The following ANKRD18A variants were observed in gnomAD, a reference collection of about 807,000 sequenced individuals.
ANKRD18A encodes ankyrin repeat domain 18A.
ANKRD18A carries 72 observed loss-of-function variants against 110.6 expected under a neutral mutation model. That is an observed-to-expected ratio of 0.65 (90% CI 0.54 to 0.79). The LOEUF (loss-of-function observed/expected upper bound fraction) is 0.79, where lower values mean the gene tolerates loss of function less well. Among genes scored for constraint, ANKRD18A ranks in the 30% least tolerant of loss-of-function variants. The pLI is 0.00. For synonymous variants in ANKRD18A, 305 were observed against 410.3 expected (o/e 0.74, Z 3.10); for missense variants, 934 against 1,163.3 (o/e 0.80, Z 2.87).
chr9:38,587,886 G>A (rs1303096674), intron 11 of ANKRD18A, among the ~76,000 whole-genome samples: 2 of 152,078 alleles, frequency 1.3e-5, no homozygotes, highest in Non-Finnish European at 1.5e-5. Context: ...TCAGGAGTTC[G>A]AGACCAGCCT....
At chr9:38,584,796 G>A (rs1824308621) in intron 12 of ANKRD18A, among the ~76,000 whole-genome samples, 1 of 152,016 alleles carries the variant, frequency 6.6e-6, no homozygotes, top group African/African-American at 2.4e-5. Flanking sequence ...TTATATTGAG[G>A]AGCAAGACCT....
Position 38,615,673 on chromosome 9 carries a change from T to G in ANKRD18A, c.416A>C (p.His139Pro). 1 of 1,612,194 alleles carries G rather than the reference T, an allele frequency of 6.2e-7. No homozygotes were observed. The highest frequency in any genetic ancestry group is 8.5e-7 in the Non-Finnish European group (1 of 1,179,790). The stretch of plus-strand genomic sequence containing the variant: ...AGTCCCCTTATTATACACGGCATAA[T>G]GGAGAGCAGTGTTGCCGTAGATATC... The part of the protein sequence containing the change: ...IEDIYGNTAL[H>P]YAVYNKGTSL... The change falls in exon 3 of 16, where the codon CAT becomes CCT. Residue 139 changes from histidine (H) to proline (P), a missense_variant. Physicochemically the swap from His to Pro is moderately conservative, Grantham distance 77. This residue lies in a region of ANKRD18A where 630 missense variants were observed against 797.5 expected (regional missense o/e 0.79). Transcript: ENST00000399703.
At chr9:38,577,023 C>A (rs1563954813) in intron 14 of ANKRD18A, 30 bp downstream of exon 14, 2 of 1,530,424 alleles carry the variant, frequency 1.3e-6, no homozygotes, top group African/African-American at 2.8e-5. Flanking sequence ...GAGCTGAATT[C>A]ATTTTCTATG....
intron 8 of ANKRD18A, among the ~76,000 whole-genome samples, chr9:38,598,982 G>T (rs1241982634): frequency 6.6e-6 from 1 of 152,110 alleles, no homozygotes; most frequent in Non-Finnish European, 1.5e-5. Flanking sequence ...GGTATTTTGG[G>T]TTATATTTTC....
chr9:38,580,851 A>T (rs1007411767), intron 12 of ANKRD18A, among the ~76,000 whole-genome samples: 1 of 151,136 alleles, frequency 6.6e-6, no homozygotes, highest in African/African-American at 2.4e-5. Flanking sequence ...TCCCTATCTC[A>T]GACTGCTTTC....
intron 7 of ANKRD18A, among the ~76,000 whole-genome samples, chr9:38,601,486 A>C (rs1230054789): frequency 6.6e-6 from 1 of 152,218 alleles, no homozygotes. Flanking sequence ...TGGAAACAAA[A>C]CAAAATTTAA....
chr9:38,595,404 A>T, intron 9 of ANKRD18A, 82 bp downstream of exon 9: 2 of 1,216,622 alleles, frequency 1.6e-6, no homozygotes, highest in African/African-American at 1.6e-5. Flanking sequence ...ATTTATTTGT[A>T]TATTGAACTA....
chr9:38,569,148 TC>T, downstream of ANKRD18A: 2 of 985,296 alleles, frequency 2.0e-6, no homozygotes, highest in Non-Finnish European at 2.4e-6. Context: ...TGGACCTGCA[TC>T]TTGGTTATCA....
At chr9:38,591,218 C>A (rs527862292) in intron 10 of ANKRD18A, among the ~76,000 whole-genome samples, 1 of 151,770 alleles carries the variant, frequency 6.6e-6, no homozygotes, top group South Asian at 2.1e-4. Context: ...ACTGTTCTTG[C>A]CTCAGCTTCC....
Position 38,577,992 on chromosome 9 carries a change from C to T in ANKRD18A, c.2404G>A (p.Val802Ile), listed in dbSNP as rs759808991. ...EKDKKMLEEE[V>I]LNLKTHMEKD... ...TCCATATGTGTCTTAAGATTTAATA[C>T]TTCTTCTTCCAACATCTTTTTATCC... is the stretch of plus-strand genomic sequence containing the variant. Residue 802 changes from valine (V) to isoleucine (I), a missense_variant, in exon 13 of 16, where the codon GTA becomes ATA. Around this residue, in one of 4 missense-constraint regions of ANKRD18A, gnomAD observed 223 missense variants for 226.7 expected, o/e 0.98. Transcript: ENST00000399703. The T allele has an allele frequency of 3.4e-5, 53 of 1,564,746 alleles. No homozygotes were observed. The highest frequency in any genetic ancestry group is 1.1e-5 in the Non-Finnish European group (13 of 1,152,086).
intron 12 of ANKRD18A, among the ~76,000 whole-genome samples, chr9:38,581,288 A>G (rs1824150396): frequency 6.6e-6 from 1 of 152,236 alleles, no homozygotes; most frequent in South Asian, 2.1e-4. Flanking sequence ...GATAACCAGG[A>G]GAGAGATGTA....
chr9:38,588,663 G>C lies in ANKRD18A; in HGVS notation c.2005C>G (p.Pro669Ala), dbSNP rs1016025271. The part of the protein sequence containing the change: ...KKKLFQVEIQ[P>A]EEKHEEFRKL... ...CTGAATTCTTCATGTTTTTCTTCAGGCTTGAAAAAAAGTGTTTAAAATTAT... is the reference window on the plus strand; with the variant it reads ...CTGAATTCTTCATGTTTTTCTTCAGCCTTGAAAAAAAGTGTTTAAAATTAT... The change falls in exon 11 of 16, where the codon CCT becomes GCT. Residue 669 changes from proline (P) to alanine (A), a missense_variant and splice_region_variant. This residue lies in a region of ANKRD18A where 630 missense variants were observed against 797.5 expected (regional missense o/e 0.79). Transcript: ENST00000399703. 7.4e-7 allele frequency: 1 copy of C among 1,342,504 alleles called. No homozygotes were observed. Among genetic ancestry groups the C allele is most frequent in the Non-Finnish European group, 9.7e-7 (1 of 1,032,132 alleles). The allele number at this position is 1,342,504 out of a possible 1,614,324, so 83.2% of individuals were successfully genotyped here. A position where few individuals can be genotyped will look rare whatever the true frequency, so the allele number is the denominator to read the frequency against.
intron 1 of ANKRD18A, 58 bp downstream of exon 1, chr9:38,620,022 G>GC: frequency 3.3e-6 from 5 of 1,538,278 alleles, no homozygotes; most frequent in Non-Finnish European, 4.4e-6. Context: ...GGGCTGCCGG[G>GC]CTGCAGGGAA....
chr9:38,596,517 GGA>G lies in ANKRD18A; in HGVS notation c.937-116_937-115del, dbSNP rs1293603925. ...CATGCAATTAAAAGTTGCTGTAAGT[GGA>G]TATCCAACTGGAGAAAAAGTTGAAG... On this transcript the variant is annotated intron_variant, in intron 8 of 15. Transcript: ENST00000399703. The G allele has an allele frequency of 1.6e-5, 15 of 959,822 alleles. No individual in the cohort carries two copies. The East Asian group carries it at 4.5e-4, about 29-fold the overall frequency. 59.5% of individuals were successfully genotyped at this position (959,822 alleles called of 1,614,324 possible).
At chr9:38,593,692 T>A (rs1405404312) in intron 10 of ANKRD18A, 68 bp downstream of exon 10, 1 of 1,330,550 alleles carries the variant, frequency 7.5e-7, no homozygotes, top group Non-Finnish European at 9.7e-7. Context: ...GAAATTAGTA[T>A]CCTAAGACAC....
intron 10 of ANKRD18A, among the ~76,000 whole-genome samples, chr9:38,591,261 C>T (rs893794217): frequency 1.3e-5 from 2 of 152,028 alleles, no homozygotes; most frequent in Admixed American, 6.6e-5. Flanking sequence ...TGAGCCACCT[C>T]ACCAACCAGG....
At chr9:38,578,994 T>A (rs1352681165) in intron 12 of ANKRD18A, among the ~76,000 whole-genome samples, 2 of 152,212 alleles carry the variant, frequency 1.3e-5, no homozygotes, top group African/African-American at 2.4e-5. Flanking sequence ...AAGTAATGAT[T>A]CTTGGGGTAA....
At chr9:38,587,572 A>T (rs1374217302) in intron 11 of ANKRD18A, among the ~76,000 whole-genome samples, 2 of 152,196 alleles carry the variant, frequency 1.3e-5, no homozygotes, top group African/African-American at 4.8e-5. Flanking sequence ...TAAAAGAAAA[A>T]CAAAGAAGCA....
intron 3 of ANKRD18A, among the ~76,000 whole-genome samples, chr9:38,613,624 A>T (rs565738801): frequency 2.6e-5 from 4 of 152,364 alleles, no homozygotes; most frequent in African/African-American, 9.6e-5. Context: ...ATTAGTTCAT[A>T]GGAATGCTGA....
Sources: allele counts gnomAD v4.1 joint callset (sites outside exome capture counted in the v4.1 genomes callset), GRCh38; gene constraint gnomAD v4.1.1; regional missense constraint gnomAD v4.1.1; transcripts MANE v1.5; gene names NCBI Gene and HGNC (gene_info 2026-07-23, HGNC 2026-07-21).